Variants in ANKRD30B observed in about 807,000 individuals in gnomAD.
ANKRD30B encodes ankyrin repeat domain-containing protein 30B.
ANKRD30B carries 144 observed loss-of-function variants against 202.2 expected under a neutral mutation model. The observed-to-expected ratio is 0.71, with a 90% CI of 0.62 to 0.82. ANKRD30B has a LOEUF of 0.82. Among genes scored for constraint, ANKRD30B ranks in the 40% least tolerant of loss-of-function variants. The pLI, the probability that ANKRD30B is intolerant of heterozygous loss-of-function variation, is 0.00. For missense variants in ANKRD30B, 1,487 were observed against 1,669.1 expected, an observed-to-expected ratio of 0.89 and a Z score of 1.90; for synonymous variants, 508 against 561.3, an observed-to-expected ratio of 0.91 and a Z score of 1.34.
intron 16 of ANKRD30B, among the ~76,000 whole-genome samples, chr18:14,792,774 G>A (rs1338346026): frequency 4.0e-5 from 6 of 151,762 alleles, no homozygotes; most frequent in East Asian, 3.9e-4. Flanking sequence ...GATATTCACA[G>A]TTTGAATAAG....
rs1598610665 is a variant in ANKRD30B at position 14,782,629 on chromosome 18, T to G, written c.1570+15T>G. On this transcript the variant is annotated intron_variant, in intron 12 of 43. Transcript: ENST00000690538. ...AGAAGTAGAAGGTAAGAACAACTTTTTATTTGAAAAGTCTTTTAACCATAT... is the reference window on the plus strand; with the variant it reads ...AGAAGTAGAAGGTAAGAACAACTTTGTATTTGAAAAGTCTTTTAACCATAT... 2 of 1,521,858 alleles carry G rather than the reference T, an allele frequency of 1.3e-6. No homozygotes were observed. Among genetic ancestry groups the G allele is most frequent in the East Asian group, 4.6e-5 (2 of 43,516 alleles). The allele number at this position is 1,521,858 out of a possible 1,614,324, so 94.3% of individuals were successfully genotyped here. A position where few individuals can be genotyped will look rare whatever the true frequency, so the allele number is the denominator to read the frequency against.
At chr18:14,779,481 A>C (rs1219569865) in intron 10 of ANKRD30B, among the ~76,000 whole-genome samples, 1 of 152,228 alleles carries the variant, frequency 6.6e-6, no homozygotes, top group African/African-American at 2.4e-5. Flanking sequence ...AAAGGGTTGA[A>C]CATATATTTC....
chr18:14,774,069 C>T (rs1967196906), intron 9 of ANKRD30B, among the ~76,000 whole-genome samples: 1 of 152,092 alleles, frequency 6.6e-6, no homozygotes, highest in Non-Finnish European at 1.5e-5. Context: ...AATTTTTTCT[C>T]TCTCTGTAGT....
rs369341950 is a variant in ANKRD30B, at chr18:14,851,438, T to C, written c.3565-71T>C. On this transcript the variant is annotated intron_variant, in intron 41 of 43. Transcript: ENST00000690538. ...CATTGTATAAACGTACAAGTTGTTCTTTAATTTCAGAGGAACTATGATATG... is the reference window on the plus strand; with the variant it reads ...CATTGTATAAACGTACAAGTTGTTCCTTAATTTCAGAGGAACTATGATATG... 1.3e-5 allele frequency: 18 copies of C among 1,424,004 alleles called. No homozygotes were observed. The African/African-American group carries it at 2.2e-4, about 17-fold the overall frequency. The allele number at this position is 1,424,004 out of a possible 1,614,324, so 88.2% of individuals were successfully genotyped here.
intron 8 of ANKRD30B, 128 bp downstream of exon 8, chr18:14,769,501 C>G (rs1235240814): frequency 1.5e-6 from 1 of 671,054 alleles, no homozygotes; most frequent in African/African-American, 1.8e-5. Context: ...TATCATCTCA[C>G]ATAGTCATCA....
rs1914642546 is a variant in ANKRD30B at position 14,757,950 on chromosome 18, T to C, written c.753T>C (p.Asn251=). Residue 251 remains asparagine (N), a splice_region_variant and synonymous_variant, in exon 5 of 44, where the codon AAT becomes AAC. Transcript: ENST00000690538. ...GTTATGCTGCTGCTTGTGGAGTTAA[T>C]TAGTAAGTGTTTACATTTAAAGGCT... ...AERYAAACGV[N]YIHQQLLEHI... is the part of the protein sequence containing the mutation. 2 of 1,584,506 alleles carry C rather than the reference T, an allele frequency of 1.3e-6. No individual in the cohort carries two copies. Among genetic ancestry groups the C allele is most frequent in the East Asian group, 4.6e-5 (2 of 43,778 alleles).
the ANKRD30B span, among the ~76,000 whole-genome samples, chr18:14,896,143 T>A: frequency 1.3e-5 from 2 of 151,978 alleles, no homozygotes; most frequent in Non-Finnish European, 2.9e-5. Flanking sequence ...CTCATTTTTT[T>A]TTTTTTTTGA....
At chr18:14,757,343 A>G (rs1442371542) in intron 4 of ANKRD30B, among the ~76,000 whole-genome samples, 1 of 152,232 alleles carries the variant, frequency 6.6e-6, no homozygotes, top group Non-Finnish European at 1.5e-5. Context: ...TTGAAGTAAC[A>G]TTATAAATAT....
At chr18:14,892,436 C>T in the ANKRD30B span, among the ~76,000 whole-genome samples, 1 of 152,210 alleles carries the variant, frequency 6.6e-6, no homozygotes, top group East Asian at 1.9e-4. Flanking sequence ...TATTTCTTTA[C>T]TGCACTTTAC....
At chr18:14,749,853 C>G (rs1486666820) in intron 1 of ANKRD30B, among the ~76,000 whole-genome samples, 1 of 151,502 alleles carries the variant, frequency 6.6e-6, no homozygotes, top group Non-Finnish European at 1.5e-5. Flanking sequence ...TTTCATAATT[C>G]TTTTAGGAAT....
At chr18:14,776,442 A>C (rs1404474289) in intron 9 of ANKRD30B, among the ~76,000 whole-genome samples, 29 of 152,322 alleles carry the variant, frequency 1.9e-4, no homozygotes, top group East Asian at 3.9e-4. Context: ...GATCTTTCTG[A>C]AACTGCCATT....
At chr18:14,780,808 A>C (rs1012451881) in intron 11 of ANKRD30B, among the ~76,000 whole-genome samples, 2 of 152,282 alleles carry the variant, frequency 1.3e-5, no homozygotes, top group African/African-American at 4.8e-5. Context: ...ATCTGAAGGA[A>C]CATTTCAGGA....
At position 14,778,063 on chromosome 18, in the gene ANKRD30B, C is replaced by T; in HGVS notation, c.1408C>T (p.His470Tyr). Residue 470 changes from histidine to tyrosine, a missense_variant, in exon 10 of 44, where the codon CAC (histidine) becomes TAC (tyrosine). Coordinates refer to ENST00000690538, the MANE Select transcript of ANKRD30B (RefSeq NM_001367607.2). ...TCAAAAAGATATCAAAACAATAAAT[C>T]ACAAAATAGAAGGTAAGAACCATTT... Reference protein sequence around the residue: ...TYQKDIKTINHKIEDQMFPSE... With the variant: ...TYQKDIKTINYKIEDQMFPSE... 6.5e-7 allele frequency: 1 copy of T among 1,543,294 alleles called. No individual in the cohort carries two copies. Among genetic ancestry groups the T allele is most frequent in the Non-Finnish European group, 8.8e-7 (1 of 1,140,590 alleles).
At position 14,751,546 on chromosome 18, in the gene ANKRD30B, G is replaced by GA. The variant is rs1913456837; in HGVS notation, c.222-1020_222-1019insA. ...ACGAGTAAAAGATAACTACCAACCA[G>GA]GTTTTGGAAATTTATAACAGCTCTA... is the stretch of plus-strand genomic sequence containing the variant. On this transcript the variant is annotated intron_variant, in intron 1 of 43. Coordinates refer to ENST00000690538, the MANE Select transcript of ANKRD30B (RefSeq NM_001367607.2). 2.4e-4 allele frequency among the ~76,000 whole-genome samples: 6 copies of GA among 25,484 alleles called. No homozygotes were observed. The East Asian group carries it at 2.4e-3, about 10-fold the overall frequency. 16.7% of individuals were successfully genotyped at this position (25,484 alleles called of 152,430 possible).
the ANKRD30B span, among the ~76,000 whole-genome samples, chr18:14,912,597 A>G: frequency 6.6e-6 from 1 of 152,142 alleles, no homozygotes; most frequent in Non-Finnish European, 1.5e-5. Flanking sequence ...TTGTGTCCTT[A>G]CCTAGTTTAA....
intron 39 of ANKRD30B, among the ~76,000 whole-genome samples, chr18:14,847,728 C>T (rs1302965115): frequency 6.6e-6 from 1 of 151,582 alleles, no homozygotes; most frequent in African/African-American, 2.4e-5. Flanking sequence ...CTCCCCACAC[C>T]TGAGGCAAGG....
At chr18:14,914,490 C>T in the ANKRD30B span, among the ~76,000 whole-genome samples, 6 of 152,278 alleles carry the variant, frequency 3.9e-5, no homozygotes, top group African/African-American at 1.4e-4. Context: ...GTGAAGATAA[C>T]TGATGGAAAG....
In ANKRD30B at chr18:14,778,007, A is replaced by G; in HGVS notation, c.1352A>G (p.Gln451Arg). The G allele has an allele frequency of 1.3e-6, 2 of 1,547,970 alleles. No homozygotes were observed. Among genetic ancestry groups the G allele is most frequent in the South Asian group, 2.4e-5 (2 of 83,878 alleles). ...ATKIISKSAA[Q>R]NYTCLPDATY... ...CAGATTATCTCTAAGAGTGCTGCAC[A>G]GAATTATACGTGTTTACCTGATGCT... is the stretch of plus-strand genomic sequence containing the variant. Residue 451 changes from glutamine (Q) to arginine (R), a missense_variant, in exon 10 of 44, where the codon CAG (glutamine) becomes CGG (arginine). Physicochemically the swap from Gln to Arg is conservative, Grantham distance 43. Around this residue, in one of 6 missense-constraint regions of ANKRD30B, gnomAD observed 889 missense variants for 841.4 expected, o/e 1.06. Transcript: ENST00000690538.
intron 37 of ANKRD30B, 61 bp downstream of exon 37, chr18:14,840,739 A>G: frequency 5.5e-6 from 5 of 915,940 alleles, no homozygotes; most frequent in Non-Finnish European, 8.3e-6. Flanking sequence ...AAGCATGAGG[A>G]CTGATATACT....
Sources: allele counts gnomAD v4.1 joint callset (sites outside exome capture counted in the v4.1 genomes callset), GRCh38; gene constraint gnomAD v4.1.1; regional missense constraint gnomAD v4.1.1; transcripts MANE v1.5; gene names NCBI Gene and HGNC (gene_info 2026-07-23, HGNC 2026-07-21).